Variants in ELAC2 observed in about 807,000 individuals in gnomAD.
ELAC2 encodes zinc phosphodiesterase ELAC protein 2.
Under a neutral mutation model 105.2 loss-of-function variants are expected in ELAC2, and 92 were observed. The ratio of observed to expected loss-of-function variants is 0.87; its 90% CI spans 0.74 to 1.04. The LOEUF (loss-of-function observed/expected upper bound fraction) is 1.04. ELAC2 is among the 50% of genes least tolerant of loss of function. The probability of loss-of-function intolerance (pLI) is 0.00; values close to 1 mark genes in which losing one functional copy is unlikely to be tolerated. For missense variants in ELAC2, 1,099 were observed against 1,071.7 expected (o/e 1.03, Z -0.36); for synonymous variants, 468 against 409.1 (o/e 1.14, Z -1.74).
At chr17:12,996,793 G>A in intron 16 of ELAC2, 108 bp from the exon 17 acceptor site, 2 of 1,467,868 alleles carry the variant, frequency 1.4e-6, no homozygotes, top group Non-Finnish European at 9.3e-7. Flanking sequence ...AGAAATTTCT[G>A]TCTCTCCTGC....
rs1309730227 is a variant in ELAC2 at position 13,017,885 on chromosome 17, G to A, written c.63C>T (p.Thr21=). 2 of 1,546,922 alleles carry A rather than the reference G, an allele frequency of 1.3e-6. No individual in the cohort carries two copies. Among genetic ancestry groups the A allele is most frequent in the Non-Finnish European group, 8.7e-7 (1 of 1,148,336 alleles). The change falls in exon 1 of 24, where the codon ACC becomes ACT. Residue 21 remains threonine, a synonymous_variant. Coordinates refer to ENST00000338034, the MANE Select transcript of ELAC2 (RefSeq NM_018127.7). ...CGCGGCGGGCGGGTGCCTGCGATAT[G>A]GTGCGTCCCTGCGACATGGTGCGTC... ...AAGRTMSQGR[T]ISQAPARRER...
chr17:12,996,829 G>A (rs2040501764), intron 16 of ELAC2, 144 bp from the exon 17 acceptor site: 9 of 1,138,320 alleles, frequency 7.9e-6, no homozygotes, highest in Admixed American at 2.0e-5. Flanking sequence ...TAATATAAAA[G>A]CCAATTAATT....
At chr17:13,013,969 C>A (rs542816485) in intron 5 of ELAC2, among the ~76,000 whole-genome samples, 1 of 152,216 alleles carries the variant, frequency 6.6e-6, no homozygotes, top group Admixed American at 6.5e-5. Context: ...CCGACCTGGC[C>A]CCTATTTTTA....
At chr17:12,995,606 G>T in intron 19 of ELAC2, 97 bp downstream of exon 19, 1 of 1,195,914 alleles carries the variant, frequency 8.4e-7, no homozygotes, top group Non-Finnish European at 1.2e-6. Context: ...CAAGGCTGCT[G>T]GGGGATATTG....
chr17:13,005,427 C>G (rs1246717678), intron 10 of ELAC2, among the ~76,000 whole-genome samples: 1 of 152,160 alleles, frequency 6.6e-6, no homozygotes, highest in African/African-American at 2.4e-5. Flanking sequence ...TGTGGCATTC[C>G]TCTGGACCAT....
intron 10 of ELAC2, 109 bp downstream of exon 10, chr17:13,005,644 G>A (rs1263903681): frequency 5.4e-6 from 6 of 1,116,700 alleles, no homozygotes; most frequent in Non-Finnish European, 8.2e-6. Context: ...TGTCCAAACT[G>A]TTCCACGTCC....
At chr17:12,999,928 A>G (rs2040685859) in intron 15 of ELAC2, among the ~76,000 whole-genome samples, 1 of 152,204 alleles carries the variant, frequency 6.6e-6, no homozygotes, top group Non-Finnish European at 1.5e-5. Flanking sequence ...AAGTGCTGGG[A>G]TTACAGGTGT....
At chr17:13,013,814 G>C (rs1387740275) in intron 5 of ELAC2, among the ~76,000 whole-genome samples, 1 of 152,084 alleles carries the variant, frequency 6.6e-6, no homozygotes, top group African/African-American at 2.4e-5. Context: ...AAAACCTCTA[G>C]GGAACCCTTG....
intron 8 of ELAC2, among the ~76,000 whole-genome samples, chr17:13,007,014 G>A (rs1248716568): frequency 1.3e-5 from 2 of 151,804 alleles, no homozygotes; most frequent in Middle Eastern, 3.2e-3. Context: ...CCAGCTACTC[G>A]GGAGGCTGAG....
In ELAC2 at chr17:12,998,465, C is replaced by A; in HGVS notation, c.1467G>T (p.Gly489=). ...QYPEIIFLGT[G]SAIPMKIRNV... ...TTCGAATCTTCATCGGGATGGCAGA[C>A]CCTGTTCCAAGGAAGATGATTTCTG... Residue 489 remains glycine (G), a synonymous_variant, in exon 16 of 24, where the codon GGG becomes GGT. Coordinates refer to ENST00000338034, the MANE Select transcript of ELAC2 (RefSeq NM_018127.7). 1 of 1,614,188 alleles carries A rather than the reference C, an allele frequency of 6.2e-7. No individual in the cohort carries two copies. The highest frequency in any genetic ancestry group is 8.5e-7 in the Non-Finnish European group (1 of 1,180,032).
chr17:12,992,610 G>A lies in ELAC2; in HGVS notation c.*208C>T, dbSNP rs181989923. 2.1e-4 allele frequency: 124 copies of A among 603,982 alleles called. No homozygotes were observed. The highest frequency in any genetic ancestry group is 1.3e-3 in the Middle Eastern group (3 of 2,246). The allele number at this position is 603,982 out of a possible 1,614,324, so 37.4% of individuals were successfully genotyped here. A position where few individuals can be genotyped will look rare whatever the true frequency, so the allele number is the denominator to read the frequency against. ...CTTCCGTGTGGCAGCCTCCTGGCCC[G>A]CGGCTGTGCCAGGCACCAGTCCTAA... On this transcript the variant is annotated 3_prime_UTR_variant, in exon 24 of 24. Coordinates refer to ENST00000338034, the MANE Select transcript of ELAC2 (RefSeq NM_018127.7).
chr17:13,017,191 G>A (rs1006319834), intron 1 of ELAC2, 70 bp from the exon 2 acceptor site: 39 of 1,240,128 alleles, frequency 3.1e-5, no homozygotes, highest in Middle Eastern at 3.8e-4. Flanking sequence ...CCAATTAGAT[G>A]TTTTATTGTA....
chr17:13,003,332 T>G (rs1397944023), intron 12 of ELAC2, 147 bp downstream of exon 12: 1 of 793,280 alleles, frequency 1.3e-6, no homozygotes, highest in African/African-American at 1.7e-5. Context: ...CTGGGAAGCC[T>G]AGAATTCTGG....
intron 8 of ELAC2, 94 bp from the exon 9 acceptor site, chr17:13,006,073 A>G: frequency 7.5e-7 from 1 of 1,325,900 alleles, no homozygotes; most frequent in Non-Finnish European, 1.1e-6. Context: ...CTAGATTAAA[A>G]AAAAATAATA....
At chr17:12,994,647 G>A (rs2040375964) in intron 21 of ELAC2, 117 bp downstream of exon 21, 6 of 1,598,448 alleles carry the variant, frequency 3.8e-6, no homozygotes, top group Admixed American at 1.7e-5. Flanking sequence ...GACTCTGAGG[G>A]TGGGGACCTG....
Position 12,996,622 on chromosome 17 carries a change from G to A in ELAC2, c.1584C>T (p.Tyr528=), listed in dbSNP as rs772070282. The A allele has an allele frequency of 2.4e-5, 39 of 1,613,914 alleles. No individual in the cohort carries two copies. Among genetic ancestry groups the A allele is most frequent in the African/African-American group, 4.0e-5 (3 of 74,902 alleles). The change falls in exon 17 of 24, where the codon TAC becomes TAT. Residue 528 remains tyrosine, a synonymous_variant. Transcript: ENST00000338034. ...CCAGGACCCTGTCCACCTGGTCTCCGTAATGACGGCACAGCTGCCCAAATG... is the reference window on the plus strand; with the variant it reads ...CCAGGACCCTGTCCACCTGGTCTCCATAATGACGGCACAGCTGCCCAAATG... The part of the protein sequence containing the change: ...EGTFGQLCRH[Y]GDQVDRVLGT...
intron 12 of ELAC2, among the ~76,000 whole-genome samples, chr17:13,003,249 G>A (rs758969209): frequency 3.3e-5 from 5 of 152,180 alleles, no homozygotes; most frequent in Non-Finnish European, 4.4e-5. Flanking sequence ...AGTGTGGAGG[G>A]TGTAAAATAA....
In ELAC2 at chr17:12,991,829, C is replaced by CAATA. The variant is rs1211839009; in HGVS notation, c.*985_*988dup. On this transcript the variant is annotated 3_prime_UTR_variant, in exon 24 of 24. Transcript: ENST00000338034. ...CATTCTCCTGGGTAGGGAATATACA[C>CAATA]AATAAATACTAGATTCAACTTACTT... 3.3e-5 allele frequency among the ~76,000 whole-genome samples: 5 copies of CAATA among 151,854 alleles called. No homozygotes were observed. Among genetic ancestry groups the CAATA allele is most frequent in the African/African-American group, 1.2e-4 (5 of 41,420 alleles).
At chr17:13,017,505 G>A in intron 1 of ELAC2, 198 bp downstream of exon 1, 1 of 1,179,784 alleles carries the variant, frequency 8.5e-7, no homozygotes, top group East Asian at 2.6e-5. Flanking sequence ...ACCCAGGCCT[G>A]AAGTTCTTCA....
Sources: allele counts gnomAD v4.1 joint callset (sites outside exome capture counted in the v4.1 genomes callset), GRCh38; gene constraint gnomAD v4.1.1; transcripts MANE v1.5; gene names NCBI Gene and HGNC (gene_info 2026-07-23, HGNC 2026-07-21).